HBP1: variants seen among roughly 807,000 people sequenced by gnomAD.
HBP1 encodes HMG box-containing protein 1.
HBP1 carries 20 observed loss-of-function variants against 62.6 expected under a neutral mutation model. That is an observed-to-expected ratio of 0.32 (90% CI 0.22 to 0.46). The LOEUF (loss-of-function observed/expected upper bound fraction) is 0.46. HBP1 is among the 20% of genes least tolerant of loss of function. The pLI, the probability that HBP1 is intolerant of heterozygous loss-of-function variation, is 1.00. For synonymous variants in HBP1, 232 were observed against 206.2 expected (o/e 1.12, Z -1.07); for missense variants, 480 against 611.8 (o/e 0.78, Z 2.27).
chr7:107,186,605 A>T lies in HBP1; in HGVS notation c.689A>T (p.Glu230Val). The change falls in exon 6 of 11, where the codon GAA becomes GTA. Residue 230 changes from glutamate (E) to valine (V), a missense_variant. Physicochemically the swap from Glu to Val is moderately radical, Grantham distance 121. Around this residue, in one of 4 missense-constraint regions of HBP1, gnomAD observed 304 missense variants for 330.9 expected, o/e 0.92. Coordinates refer to ENST00000222574, the MANE Select transcript of HBP1 (RefSeq NM_012257.4). ...TGCTTTCATAAGGGAAGCAATAAGG[A>T]ATGGCAAGATGTTGAAGATTTTGCT... ...RLCFHKGSNKEWQDVEDFARA... is the reference protein window; with the variant it reads ...RLCFHKGSNKVWQDVEDFARA... The T allele has an allele frequency of 6.2e-7, 1 of 1,613,796 alleles. No homozygotes were observed. The highest frequency in any genetic ancestry group is 8.5e-7 in the Non-Finnish European group (1 of 1,179,688).
At chr7:107,179,122 C>T (rs1033270907) in intron 1 of HBP1, among the ~76,000 whole-genome samples, 1 of 152,032 alleles carries the variant, frequency 6.6e-6, no homozygotes, top group African/African-American at 2.4e-5. Flanking sequence ...TAAATAGAGA[C>T]ATTAAAATAG....
chr7:107,194,508 T>C lies in HBP1; in HGVS notation c.1068-1326T>C, dbSNP rs146035262. On this transcript the variant is annotated intron_variant, in intron 8 of 10. Coordinates refer to ENST00000222574, the MANE Select transcript of HBP1 (RefSeq NM_012257.4). ...TTTGGAGTCATAGTTTAAGTACATTTATTTCATGCAATACTTTCAGAAAAA... is the reference window on the plus strand; with the variant it reads ...TTTGGAGTCATAGTTTAAGTACATTCATTTCATGCAATACTTTCAGAAAAA... Among the ~76,000 whole-genome samples the C allele has an allele frequency of 4.4e-3, 675 of 152,342 alleles. 3 individuals are homozygous for C. Among genetic ancestry groups the C allele is most frequent in the African/African-American group, 0.016 (645 of 41,576 alleles).
chr7:107,199,081 T>A (rs1798069459), intron 9 of HBP1, among the ~76,000 whole-genome samples: 1 of 152,032 alleles, frequency 6.6e-6, no homozygotes, highest in Non-Finnish European at 1.5e-5. Flanking sequence ...TAAAAATTGG[T>A]TATCATTTTA....
chr7:107,181,349 G>A (rs1797096474), intron 2 of HBP1, among the ~76,000 whole-genome samples: 1 of 152,034 alleles, frequency 6.6e-6, no homozygotes, highest in Admixed American at 6.6e-5. Context: ...GTACATGCCT[G>A]TAGTCCTAGC....
chr7:107,172,829 C>T (rs556170777), intron 1 of HBP1, among the ~76,000 whole-genome samples: 7 of 152,154 alleles, frequency 4.6e-5, no homozygotes, highest in Middle Eastern at 3.4e-3. Context: ...CTGGCTCAAG[C>T]GATCTTCCTG....
chr7:107,200,034 CATCTCTGT>C (rs1798153722), intron 9 of HBP1, 118 bp from the exon 10 acceptor site: 3 of 690,072 alleles, frequency 4.3e-6, no homozygotes, highest in Non-Finnish European at 6.9e-6. Context: ...GACCTTTTCC[CATCTCTGT>C]GATAGACAAG....
chr7:107,169,256 A>T, intron 1 of HBP1, 71 bp downstream of exon 1: 1 of 795,698 alleles, frequency 1.3e-6, no homozygotes, highest in Non-Finnish European at 1.6e-6. Flanking sequence ...GGGATTGGGC[A>T]GACTGGAGGG....
At chr7:107,189,201 C>T in intron 6 of HBP1, 91 bp from the exon 7 acceptor site, 1 of 1,090,996 alleles carries the variant, frequency 9.2e-7, no homozygotes, top group Non-Finnish European at 1.3e-6. Context: ...GTTATTTTTA[C>T]CTTTTCCACA....
intron 1 of HBP1, among the ~76,000 whole-genome samples, chr7:107,171,471 T>C (rs1224991972): frequency 6.6e-6 from 1 of 152,136 alleles, no homozygotes; most frequent in Non-Finnish European, 1.5e-5. Context: ...TGCTCTGTGC[T>C]GAGGGTTCTT....
chr7:107,196,291 C>T (rs762790378), intron 9 of HBP1, 140 bp downstream of exon 9: 26 of 701,634 alleles, frequency 3.7e-5, no homozygotes, highest in Admixed American at 1.6e-4. Context: ...GTTTTTGAGA[C>T]GGAGTCTCGC....
At position 107,196,012 on chromosome 7, in the gene HBP1, A is replaced by G. The variant is rs766482031; in HGVS notation, c.1246A>G (p.Lys416Glu). 3.0e-5 allele frequency: 49 copies of G among 1,613,914 alleles called. No individual in the cohort carries two copies. The highest frequency in any genetic ancestry group is 3.1e-5 in the Non-Finnish European group (36 of 1,179,906). Reference sequence around the variant, plus strand: ...GCTCTCTTCCAATTCTTTGTATGCTAAAGCTGTCAAAAACCACAGCTCAGG... The same window carrying G: ...GCTCTCTTCCAATTCTTTGTATGCTGAAGCTGTCAAAAACCACAGCTCAGG... ...SQLSSNSLYA[K>E]AVKNHSSGTV... Residue 416 changes from lysine to glutamate, a missense_variant, in exon 9 of 11, where the codon AAA (lysine) becomes GAA (glutamate). This residue lies in a region of HBP1 where 66 missense variants were observed against 56.4 expected (regional missense o/e 1.17). Transcript: ENST00000222574.
intron 1 of HBP1, among the ~76,000 whole-genome samples, chr7:107,177,148 C>T (rs950776376): frequency 6.6e-6 from 1 of 152,134 alleles, no homozygotes; most frequent in Non-Finnish European, 1.5e-5. Context: ...TCATTTTACA[C>T]TTTTTTCACT....
rs774715082 is a variant in HBP1 at position 107,201,703 on chromosome 7, T to C, written c.*272T>C. The C allele has an allele frequency of 2.7e-5, 10 of 364,904 alleles. No individual in the cohort carries two copies. Among genetic ancestry groups the C allele is most frequent in the African/African-American group, 6.3e-5 (3 of 47,886 alleles). The allele number at this position is 364,904 out of a possible 1,614,324, so 22.6% of individuals were successfully genotyped here. On this transcript the variant is annotated 3_prime_UTR_variant, in exon 11 of 11. Transcript: ENST00000222574. ...TATCAGGTAATAATAGGCTTGAAAA[T>C]TGATATCCTGTGGTGCTAAAGTACA...
intron 1 of HBP1, among the ~76,000 whole-genome samples, chr7:107,171,073 A>ATATATATATATATATATTTTTTTT: frequency 2.3e-5 from 2 of 87,194 alleles, no homozygotes; most frequent in African/African-American, 1.3e-4. Context: ...ATATATATAT[A>ATATATATATATATATATTTTTTTT]TTTTTTTTTT....
chr7:107,171,336 C>T (rs1796586065), intron 1 of HBP1, among the ~76,000 whole-genome samples: 1 of 151,526 alleles, frequency 6.6e-6, no homozygotes, highest in Admixed American at 6.6e-5. Flanking sequence ...TCCCAAAGTG[C>T]TGGGATTACA....
At chr7:107,172,291 A>G (rs1796637318) in intron 1 of HBP1, among the ~76,000 whole-genome samples, 1 of 152,160 alleles carries the variant, frequency 6.6e-6, no homozygotes, top group African/African-American at 2.4e-5. Flanking sequence ...TTAAAGCAAA[A>G]TATTGTTTGT....
intron 6 of HBP1, 142 bp from the exon 7 acceptor site, chr7:107,189,150 A>C: frequency 1.7e-6 from 1 of 590,662 alleles, no homozygotes; most frequent in Non-Finnish European, 3.0e-6. Flanking sequence ...TTTCTTCACT[A>C]CCGGGTTTGA....
In HBP1 at chr7:107,171,074, T is replaced by TATATATATA. The variant is rs1554380347; in HGVS notation, c.-16+1889_-16+1890insATATATATA. On this transcript the variant is annotated intron_variant, in intron 1 of 10. Coordinates refer to ENST00000222574, the MANE Select transcript of HBP1 (RefSeq NM_012257.4). The stretch of plus-strand genomic sequence containing the variant: ...ATATATATATATATATATATATATA[T>TATATATATA]TTTTTTTTTTTTTTGAGAGGGAGTC... 1.1e-3 allele frequency among the ~76,000 whole-genome samples: 41 copies of TATATATATA among 37,510 alleles called. 3 individuals are homozygous for TATATATATA. The highest frequency in any genetic ancestry group is 6.5e-3 in the African/African-American group (37 of 5,712). 24.6% of individuals were successfully genotyped at this position (37,510 alleles called of 152,430 possible).
chr7:107,176,116 C>T lies in HBP1; in HGVS notation c.-15-3763C>T, dbSNP rs148857065. On this transcript the variant is annotated intron_variant, in intron 1 of 10. Coordinates refer to ENST00000222574, the MANE Select transcript of HBP1 (RefSeq NM_012257.4). ...TCTCGGCTCACTGCAACCTCTGTCT[C>T]CCGGGTTCAAGCGATTCTCCTGCCT... is the stretch of plus-strand genomic sequence containing the variant. Among the ~76,000 whole-genome samples the T allele has an allele frequency of 3.9e-3, 588 of 151,712 alleles. 13 individuals are homozygous for T. In the East Asian group the frequency reaches 0.061, roughly 16 times the overall value.
Sources: gnomAD v4.1 joint callset for allele counts (sites outside exome capture counted in the v4.1 genomes callset) on GRCh38, gnomAD v4.1.1 for gene constraint, gnomAD v4.1.1 regional missense constraint, MANE v1.5 for transcripts, NCBI Gene and HGNC (gene_info 2026-07-23, HGNC 2026-07-21) for gene names.